ZNF44: variants seen among roughly 807,000 people sequenced by gnomAD.
ZNF44 encodes the protein gonadotropin inducible transcription repressor-2.
Under a neutral mutation model 11.7 loss-of-function variants are expected in ZNF44, and 9 were observed. The observed-to-expected ratio is 0.77, with a 90% CI of 0.46 to 1.35. The LOEUF (loss-of-function observed/expected upper bound fraction) is 1.35. ZNF44 is among the 40% of genes most tolerant of loss of function. The pLI is 0.00. For synonymous variants in ZNF44, 224 were observed against 242.7 expected (o/e 0.92, Z 0.72); for missense variants, 696 against 743.1 (o/e 0.94, Z 0.74).
At chr19:12,258,311 AAC>A (rs377387010) in intron 5 of ZNF44, among the ~76,000 whole-genome samples, 2 of 138,694 alleles carry the variant, frequency 1.4e-5, no homozygotes, top group South Asian at 2.4e-4. Flanking sequence ...CAGCGTGGGC[AAC>A]AGAGTGAGAT....
downstream of ZNF44, among the ~76,000 whole-genome samples, chr19:12,268,181 C>CACACACA (rs1555739618): frequency 5.0e-5 from 7 of 140,642 alleles, no homozygotes; most frequent in South Asian, 4.7e-4. Context: ...CACACACACA[C>CACACACA]AAGCTCCTTC....
chr19:12,274,847 G>T (rs997039439), intron 3 of ZNF44, 126 bp downstream of exon 3: 8 of 604,192 alleles, frequency 1.3e-5, no homozygotes, highest in Admixed American at 3.4e-5. Context: ...TTTTTATAGA[G>T]AAATTTTTCT....
At chr19:12,257,383 C>T (rs1285569305) in intron 5 of ZNF44, among the ~76,000 whole-genome samples, 1 of 152,108 alleles carries the variant, frequency 6.6e-6, no homozygotes, top group African/African-American at 2.4e-5. Flanking sequence ...GGTGCGGTGG[C>T]TCACACCTAT....
Position 12,284,917 on chromosome 19 carries a change from T to C in ZNF44, c.4-8835A>G. 8.4e-6 allele frequency: 6 copies of C among 717,176 alleles called. No homozygotes were observed. In the South Asian group the frequency reaches 8.8e-5, roughly 11 times the overall value. 44.4% of individuals were successfully genotyped at this position (717,176 alleles called of 1,614,324 possible). A position where few individuals can be genotyped will look rare whatever the true frequency, so the allele number is the denominator to read the frequency against. On this transcript the variant is annotated intron_variant, in intron 1 of 3. Coordinates refer to ENST00000355684, the MANE Select transcript of ZNF44 (RefSeq NM_016264.4). Reference sequence around the variant, plus strand: ...CCCGCACCCAGGGACACTGGCATCGTCTCAGCGCCTGTGCCCAAGAAGCTG... The same window carrying C: ...CCCGCACCCAGGGACACTGGCATCGCCTCAGCGCCTGTGCCCAAGAAGCTG...
At chr19:12,266,580 G>A (rs558484463) in intron 5 of ZNF44, among the ~76,000 whole-genome samples, 8 of 152,272 alleles carry the variant, frequency 5.3e-5, no homozygotes, top group Admixed American at 5.2e-4. Flanking sequence ...GAGAGGAGAG[G>A]TAAGGCAAGC....
downstream of ZNF44, among the ~76,000 whole-genome samples, chr19:12,269,821 T>A (rs1406760366): frequency 1.3e-5 from 2 of 152,042 alleles, no homozygotes; most frequent in Non-Finnish European, 2.9e-5. Flanking sequence ...CAAAGTTGTA[T>A]ATATATATAT....
chr19:12,286,401 C>T (rs960932459), intron 1 of ZNF44, among the ~76,000 whole-genome samples: 11 of 151,576 alleles, frequency 7.3e-5, no homozygotes, highest in African/African-American at 1.5e-4. Context: ...TTTGGGAGAC[C>T]GAGGTGGGTG....
At chr19:12,243,637 A>G (rs1354218482), downstream of ZNF44, among the ~76,000 whole-genome samples, 8 of 152,306 alleles carry the variant, frequency 5.3e-5, no homozygotes, top group African/African-American at 1.9e-4. Flanking sequence ...CGAGTGGCAG[A>G]TATCTCTTTG....
rs376765769 is a variant in ZNF44 at position 12,265,670 on chromosome 19, G to A, written c.1912+6817C>T. 1.0e-3 allele frequency among the ~76,000 whole-genome samples: 158 copies of A among 152,268 alleles called. 1 individual carries two copies. Among genetic ancestry groups the A allele is most frequent in the African/African-American group, 3.7e-3 (154 of 41,562 alleles). Reference sequence around the variant, plus strand: ...ATGTCTGTGCCAAGGAAAGATACTGGGAGGTGAGGCACAACCATTTCATAC... The same window carrying A: ...ATGTCTGTGCCAAGGAAAGATACTGAGAGGTGAGGCACAACCATTTCATAC... On this transcript the variant is annotated intron_variant and NMD_transcript_variant, in intron 5 of 7. Transcript: ENST00000393337.
At position 12,272,805 on chromosome 19, in the gene ZNF44, C is replaced by T. The variant is rs1003305338; in HGVS notation, c.1450G>A (p.Ala484Thr). The change falls in exon 4 of 4, where the codon GCA (alanine) becomes ACA (threonine). Residue 484 changes from alanine to threonine, a missense_variant. Physicochemically the swap from Ala to Thr is moderately conservative, Grantham distance 58. Transcript: ENST00000355684. ...CAAAAGTATTTAAAAGAACTAAATGCTTTCCCACACTCCTTACATTCATAA... is the reference window on the plus strand; with the variant it reads ...CAAAAGTATTTAAAAGAACTAAATGTTTTCCCACACTCCTTACATTCATAA... ...EPYECKECGKAFSSFKYFCRH... is the reference protein window; with the variant it reads ...EPYECKECGKTFSSFKYFCRH... 3.1e-6 allele frequency: 5 copies of T among 1,613,768 alleles called. No individual in the cohort carries two copies. In the African/African-American group the frequency reaches 6.7e-5, roughly 22 times the overall value.
At chr19:12,264,040 C>T (rs866208423) in intron 5 of ZNF44, among the ~76,000 whole-genome samples, 2 of 152,010 alleles carry the variant, frequency 1.3e-5, no homozygotes, top group African/African-American at 2.4e-5. Context: ...TGAGCCAAGA[C>T]TGTGCCACTG....
In ZNF44 at chr19:12,273,854, T is replaced by C. The variant is rs1967092723; in HGVS notation, c.401A>G (p.His134Arg). 6.2e-7 allele frequency: 1 copy of C among 1,614,208 alleles called. No homozygotes were observed. The highest frequency in any genetic ancestry group is 8.5e-7 in the Non-Finnish European group (1 of 1,180,032). The change falls in exon 4 of 4, where the codon CAT (histidine) becomes CGT (arginine). Residue 134 changes from histidine (H) to arginine (R), a missense_variant. Transcript: ENST00000355684. Reference sequence around the variant, plus strand: ...TGTATATGACTTCTCTGCATATTCATGACACTCCCGGTGTTTGTGTCCAGT... The same window carrying C: ...TGTATATGACTTCTCTGCATATTCACGACACTCCCGGTGTTTGTGTCCAGT... Reference protein sequence around the residue: ...VDTGHKHRECHEYAEKSYTHK... With the variant: ...VDTGHKHRECREYAEKSYTHK...
At chr19:12,257,187 G>A (rs1358652957) in intron 5 of ZNF44, among the ~76,000 whole-genome samples, 1 of 152,190 alleles carries the variant, frequency 6.6e-6, no homozygotes, top group African/African-American at 2.4e-5. Flanking sequence ...TGTTGAAATA[G>A]AGACTGAACA....
intron 7 of ZNF44, among the ~76,000 whole-genome samples, chr19:12,249,186 C>T (rs1054659317): frequency 1.5e-4 from 22 of 151,586 alleles, no homozygotes; most frequent in Non-Finnish European, 2.5e-4. Context: ...CGCGCCTGGA[C>T]CATGAACATC....
intron 5 of ZNF44, among the ~76,000 whole-genome samples, chr19:12,250,991 C>T (rs186693432): frequency 1.4e-4 from 21 of 151,958 alleles, no homozygotes; most frequent in Middle Eastern, 3.4e-3. Flanking sequence ...TTTGGGAGGC[C>T]GAGGCGGGCA....
intron 1 of ZNF44, among the ~76,000 whole-genome samples, chr19:12,283,176 C>T (rs558605583): frequency 3.9e-5 from 6 of 152,250 alleles, no homozygotes; most frequent in African/African-American, 7.2e-5. Context: ...CCATGAAAGG[C>T]GCAATGTAAC....
At chr19:12,236,081 GT>G (rs749886000) in intron 1 of ZNF44, among the ~76,000 whole-genome samples, 28 of 152,230 alleles carry the variant, frequency 1.8e-4, no homozygotes, top group Non-Finnish European at 3.7e-4. Context: ...TACTGCATCT[GT>G]TTGAAATGTA....
chr19:12,287,091 A>T (rs1347597151), intron 1 of ZNF44, among the ~76,000 whole-genome samples: 2 of 151,084 alleles, frequency 1.3e-5, no homozygotes, highest in African/African-American at 4.9e-5. Context: ...AATTATATAT[A>T]TATATTCATG....
At position 12,266,439 on chromosome 19, in the gene ZNF44, G is replaced by C. The variant is rs1003240402; in HGVS notation, c.1912+6048C>G. 4 of 642,318 alleles carry C rather than the reference G, an allele frequency of 6.2e-6. No homozygotes were observed. The African/African-American group carries it at 7.9e-5, about 13-fold the overall frequency. 39.8% of individuals were successfully genotyped at this position (642,318 alleles called of 1,614,324 possible). A position where few individuals can be genotyped will look rare whatever the true frequency, so the allele number is the denominator to read the frequency against. On this transcript the variant is annotated intron_variant and NMD_transcript_variant, in intron 5 of 7. Coordinates refer to the ZNF44 transcript ENST00000393337. ...AGAGGGAAAAAAAACCCAAACCCACGGGCTTTAGCGCGTCGCCCCGCCTGC... is the reference window on the plus strand; with the variant it reads ...AGAGGGAAAAAAAACCCAAACCCACCGGCTTTAGCGCGTCGCCCCGCCTGC...
Sources: allele counts gnomAD v4.1 joint callset (sites outside exome capture counted in the v4.1 genomes callset), GRCh38; gene constraint gnomAD v4.1.1; transcripts MANE v1.5; gene names NCBI Gene and HGNC (gene_info 2026-07-23, HGNC 2026-07-21).